The following GRM5 variants were observed in gnomAD, a reference collection of about 807,000 sequenced individuals.
The protein encoded by GRM5 is glutamate metabotropic receptor 5, also known as metabotropic glutamate receptor 5.
Under a neutral mutation model 83.1 loss-of-function variants are expected in GRM5, and 19 were observed. The observed-to-expected ratio is 0.23, with a 90% CI of 0.16 to 0.34. The LOEUF is 0.34. GRM5 is among the 10% of genes least tolerant of loss of function. The pLI is 1.00. For missense variants in GRM5, 1,160 were observed against 1,588.3 expected, an observed-to-expected ratio of 0.73 and a Z score of 4.58; for synonymous variants, 675 against 633.6, an observed-to-expected ratio of 1.07 and a Z score of -0.98.
In GRM5 at chr11:88,893,141, C is replaced by T. The variant is rs537491504; in HGVS notation, c.662-42986G>A. Among the ~76,000 whole-genome samples, 365 of 143,970 alleles carry T rather than the reference C, an allele frequency of 2.5e-3. 7 individuals carry two copies. The highest frequency in any genetic ancestry group is 2.0e-3 in the Non-Finnish European group (134 of 66,236). 94.4% of individuals were successfully genotyped at this position (143,970 alleles called of 152,430 possible). On this transcript the variant is annotated intron_variant, in intron 2 of 9. Transcript: ENST00000305447. ...ATCCTTACAGGAGGGATAATAGTCA[C>T]CAAAAAAAAAAAAAGAAAAGAAAAA...
intron 3 of GRM5, among the ~76,000 whole-genome samples, chr11:88,830,392 C>G (rs545803314): frequency 9.9e-5 from 15 of 152,064 alleles, no homozygotes; most frequent in Non-Finnish European, 1.9e-4. Flanking sequence ...TGGTACTTGC[C>G]TCCTCCGCAA....
intron 3 of GRM5, among the ~76,000 whole-genome samples, chr11:88,745,752 TCTGTGAGAGGAGCTGCTTTTGGTAGG>T (rs1942124623): frequency 6.6e-6 from 1 of 152,178 alleles, no homozygotes; most frequent in Non-Finnish European, 1.5e-5. Context: ...AATAGTGATA[TCTGTGAGAGGAGCTGCTTTTGGTAGG>T]CTGTAGTGAT....
At chr11:89,000,052 C>T (rs188940850) in intron 2 of GRM5, among the ~76,000 whole-genome samples, 89 of 151,762 alleles carry the variant, frequency 5.9e-4, no homozygotes, top group Non-Finnish European at 1.1e-3. Context: ...AACACATGGA[C>T]ACAGGAAGGG....
At chr11:88,834,008 C>G (rs778381489) in intron 3 of GRM5, among the ~76,000 whole-genome samples, 36 of 152,086 alleles carry the variant, frequency 2.4e-4, no homozygotes, top group Admixed American at 3.9e-4. Flanking sequence ...TGGGTAAAAA[C>G]AATTGTACAA....
intron 3 of GRM5, among the ~76,000 whole-genome samples, chr11:88,768,442 G>A (rs1942665013): frequency 6.6e-6 from 1 of 151,912 alleles, no homozygotes; most frequent in Non-Finnish European, 1.5e-5. Context: ...ACGCTGGTGG[G>A]AGGAGAGAAT....
At chr11:88,727,190 G>C (rs1591470520) in intron 3 of GRM5, among the ~76,000 whole-genome samples, 1 of 152,170 alleles carries the variant, frequency 6.6e-6, no homozygotes, top group African/African-American at 2.4e-5. Flanking sequence ...AAGGGATGGA[G>C]GAAGATCTAC....
At chr11:88,613,398 A>G (rs1386661308) in intron 4 of GRM5, among the ~76,000 whole-genome samples, 2 of 152,200 alleles carry the variant, frequency 1.3e-5, no homozygotes, top group African/African-American at 4.8e-5. Flanking sequence ...GGATACATAT[A>G]CATTTAGGAT....
intron 3 of GRM5, among the ~76,000 whole-genome samples, chr11:88,675,793 G>A (rs1284094146): frequency 6.6e-6 from 1 of 152,024 alleles, no homozygotes; most frequent in Non-Finnish European, 1.5e-5. Context: ...AGTCAAAGAC[G>A]TGTAATAGGC....
intron 4 of GRM5, among the ~76,000 whole-genome samples, chr11:88,631,586 G>A (rs1356463791): frequency 6.6e-6 from 1 of 152,066 alleles, no homozygotes; most frequent in African/African-American, 2.4e-5. Flanking sequence ...AATGAAGAAG[G>A]CAGGGCTAAG....
At chr11:89,056,448 A>G (rs1941877136) in intron 1 of GRM5, among the ~76,000 whole-genome samples, 1 of 152,172 alleles carries the variant, frequency 6.6e-6, no homozygotes, top group Non-Finnish European at 1.5e-5. Context: ...AGATGAAGAA[A>G]AATACCACAA....
intron 2 of GRM5, among the ~76,000 whole-genome samples, chr11:88,892,336 T>C (rs1373880032): frequency 2.0e-5 from 3 of 151,954 alleles, no homozygotes; most frequent in Non-Finnish European, 4.4e-5. Context: ...ACAGGTTTCT[T>C]AATCTGTAGT....
intron 2 of GRM5, among the ~76,000 whole-genome samples, chr11:89,018,697 G>A (rs1409824484): frequency 1.3e-5 from 2 of 152,132 alleles, no homozygotes; most frequent in Non-Finnish European, 2.9e-5. Context: ...GGTGATGGGG[G>A]ATAGTGGGAA....
chr11:88,598,906 A>G (rs1278668853), intron 5 of GRM5, among the ~76,000 whole-genome samples: 12 of 152,208 alleles, frequency 7.9e-5, no homozygotes, highest in African/African-American at 2.9e-4. Context: ...TTTAGTTCAC[A>G]CTGTTAATTT....
intron 2 of GRM5, among the ~76,000 whole-genome samples, chr11:88,858,406 C>T (rs1028785037): frequency 9.9e-5 from 15 of 151,894 alleles, no homozygotes; most frequent in Admixed American, 2.0e-4. Context: ...TGAATATTGC[C>T]ATAAAAGTAC....
At chr11:88,771,082 T>C (rs1942727360) in intron 3 of GRM5, among the ~76,000 whole-genome samples, 1 of 152,080 alleles carries the variant, frequency 6.6e-6, no homozygotes, top group South Asian at 2.1e-4. Flanking sequence ...ATGTAGCTAA[T>C]AGCATAGACA....
chr11:88,726,990 A>G (rs1476631886), intron 3 of GRM5, among the ~76,000 whole-genome samples: 2 of 152,228 alleles, frequency 1.3e-5, no homozygotes, highest in Non-Finnish European at 2.9e-5. Context: ...ACGAATGGGC[A>G]AAATAACCAG....
At chr11:88,593,638 A>T (rs1591369971) in intron 6 of GRM5, among the ~76,000 whole-genome samples, 1 of 148,858 alleles carries the variant, frequency 6.7e-6, no homozygotes, top group South Asian at 2.3e-4. Context: ...AGATCGCGCC[A>T]CTGCACTCCA....
intron 3 of GRM5, among the ~76,000 whole-genome samples, chr11:88,780,009 G>A (rs1057037427): frequency 1.3e-4 from 20 of 152,100 alleles, no homozygotes; most frequent in Non-Finnish European, 2.9e-5. Context: ...TGCCTGGAAT[G>A]TTCTCCCCAT....
At chr11:88,837,593 T>C (rs938471047) in intron 3 of GRM5, among the ~76,000 whole-genome samples, 15 of 152,208 alleles carry the variant, frequency 9.9e-5, no homozygotes, top group Admixed American at 9.2e-4. Flanking sequence ...CAGATTACTT[T>C]AAAGCACAAG....
Sources: gnomAD v4.1 joint callset for allele counts (sites outside exome capture counted in the v4.1 genomes callset) on GRCh38, gnomAD v4.1.1 for gene constraint, MANE v1.5 for transcripts, NCBI Gene and HGNC (gene_info 2026-07-23, HGNC 2026-07-21) for gene names.